The following GRIA4 variants were observed in gnomAD, a reference collection of about 807,000 sequenced individuals.
GRIA4 encodes the protein glutamate ionotropic receptor AMPA type subunit 4, also known as glutamate receptor 4.
Under a neutral mutation model 104.0 loss-of-function variants are expected in GRIA4, and 34 were observed. The observed-to-expected ratio is 0.33, with a 90% confidence interval of 0.25 to 0.44. The LOEUF (loss-of-function observed/expected upper bound fraction) is 0.44, where lower values mean the gene tolerates loss of function less well. GRIA4 is among the 20% of genes least tolerant of loss of function. The probability of loss-of-function intolerance (pLI) is 1.00; values close to 1 mark genes in which losing one functional copy is unlikely to be tolerated. For synonymous variants in GRIA4, 386 were observed against 381.9 expected (o/e 1.01, Z -0.13); for missense variants, 750 against 1,096.5 (o/e 0.68, Z 4.46).
intron 3 of GRIA4, among the ~76,000 whole-genome samples, chr11:105,683,190 A>G (rs1952765291): frequency 6.6e-6 from 1 of 152,074 alleles, no homozygotes; most frequent in South Asian, 2.1e-4. Flanking sequence ...TTAGGTATTT[A>G]ATGCGATTAT....
At chr11:105,896,824 AGTCTT>A (rs1186517575) in intron 6 of GRIA4, among the ~76,000 whole-genome samples, 1 of 152,208 alleles carries the variant, frequency 6.6e-6, no homozygotes, top group Non-Finnish European at 1.5e-5. Flanking sequence ...CTTATAGTAT[AGTCTT>A]AAGTCAGAAA....
intron 14 of GRIA4, among the ~76,000 whole-genome samples, chr11:105,946,473 G>C (rs904700271): frequency 6.6e-6 from 1 of 151,862 alleles, no homozygotes; most frequent in Non-Finnish European, 1.5e-5. Flanking sequence ...GTTGTCCTAC[G>C]TACCCAGGAG....
chr11:105,780,794 T>G (rs1001985854), intron 4 of GRIA4, among the ~76,000 whole-genome samples: 1 of 152,154 alleles, frequency 6.6e-6, no homozygotes, highest in African/African-American at 2.4e-5. Context: ...AATCATGCAC[T>G]TTAGTCTGCA....
At chr11:105,612,599 A>T in intron 3 of GRIA4, 165 bp downstream of exon 3, 1 of 436,570 alleles carries the variant, frequency 2.3e-6, no homozygotes, top group Non-Finnish European at 3.7e-6. Context: ...TTTCAGGGAT[A>T]TTTAGTTGTT....
chr11:105,734,073 T>C (rs1938780659), intron 3 of GRIA4, among the ~76,000 whole-genome samples: 1 of 147,618 alleles, frequency 6.8e-6, no homozygotes, highest in Non-Finnish European at 1.5e-5. Context: ...ATATAATATA[T>C]ATATTTTATA....
chr11:105,858,706 A>G (rs1326930172), intron 4 of GRIA4, among the ~76,000 whole-genome samples: 2 of 152,040 alleles, frequency 1.3e-5, no homozygotes, highest in Non-Finnish European at 2.9e-5. Context: ...ACTATCTCCA[A>G]TAAGTTCAGT....
intron 3 of GRIA4, among the ~76,000 whole-genome samples, chr11:105,666,157 T>C (rs1486990442): frequency 6.6e-6 from 1 of 152,066 alleles, no homozygotes; most frequent in East Asian, 1.9e-4. Context: ...CTCTGAACCA[T>C]TGCTTCTCTT....
At chr11:105,789,929 C>T (rs140901898) in intron 4 of GRIA4, among the ~76,000 whole-genome samples, 105 of 152,250 alleles carry the variant, frequency 6.9e-4, no homozygotes, top group African/African-American at 2.1e-3. Context: ...GAATAGGCTG[C>T]TTCTTCTGAA....
chr11:105,822,182 A>G (rs1488839566), intron 4 of GRIA4, among the ~76,000 whole-genome samples: 2 of 152,148 alleles, frequency 1.3e-5, no homozygotes, highest in East Asian at 3.9e-4. Context: ...ATATAATTTC[A>G]TGACTGGCAT....
chr11:105,634,473 G>GAAAGAAAGA (rs1344193318), intron 3 of GRIA4, among the ~76,000 whole-genome samples: 1 of 43,774 alleles, frequency 2.3e-5, no homozygotes, highest in Non-Finnish European at 6.0e-5. Flanking sequence ...GAAAGGGAAA[G>GAAAGAAAGA]AAAGAAAGAA....
chr11:105,679,035 A>T (rs1289055810), intron 3 of GRIA4, among the ~76,000 whole-genome samples: 1 of 152,088 alleles, frequency 6.6e-6, no homozygotes, highest in African/African-American at 2.4e-5. Flanking sequence ...GAGAAATAGA[A>T]CCAATAGGAT....
chr11:105,865,742 A>G (rs1484085725), intron 5 of GRIA4, among the ~76,000 whole-genome samples: 1 of 152,166 alleles, frequency 6.6e-6, no homozygotes, highest in Non-Finnish European at 1.5e-5. Flanking sequence ...AACGTTATCA[A>G]TTGAACATTG....
At chr11:105,688,156 C>CTATATCTATA (rs373564678) in intron 3 of GRIA4, among the ~76,000 whole-genome samples, 331 of 72,770 alleles carry the variant, frequency 4.5e-3, no homozygotes, top group African/African-American at 6.5e-3. Flanking sequence ...ATATCTATAT[C>CTATATCTATA]TCTATCTATC....
chr11:105,978,930 AG>A (rs1220151435), intron 16 of GRIA4, among the ~76,000 whole-genome samples: 2 of 152,206 alleles, frequency 1.3e-5, no homozygotes, highest in Non-Finnish European at 1.5e-5. Flanking sequence ...ACCATTCAGT[AG>A]GCTTTGAAAC....
intron 15 of GRIA4, 147 bp from the exon 16 acceptor site, chr11:105,974,163 A>G: frequency 1.4e-6 from 1 of 740,734 alleles, no homozygotes; most frequent in South Asian, 1.8e-5. Context: ...GTTTAAGTCC[A>G]TTAGCCTACA....
intron 4 of GRIA4, among the ~76,000 whole-genome samples, chr11:105,843,825 T>C (rs139293192): frequency 1.8e-3 from 272 of 152,374 alleles, no homozygotes; most frequent in African/African-American, 5.8e-3. Context: ...AAGAACTGCC[T>C]GGATACTTAA....
In GRIA4 at chr11:105,970,878, G is replaced by T. The variant is rs534179100; in HGVS notation, c.2295-1036G>T. On this transcript the variant is annotated intron_variant, in intron 14 of 16. Transcript: ENST00000282499. Reference sequence around the variant, plus strand: ...ATCTTAGCCTTCATATTGTAATATGGGAGTGAAAACGGAAAGAATTATTAA... The same window carrying T: ...ATCTTAGCCTTCATATTGTAATATGTGAGTGAAAACGGAAAGAATTATTAA... Among the ~76,000 whole-genome samples the T allele has an allele frequency of 1.2e-4, 19 of 152,222 alleles. 1 individual carries two copies. The South Asian group carries it at 3.9e-3, about 32-fold the overall frequency.
At chr11:105,762,294 G>T (rs1355934913) in intron 4 of GRIA4, among the ~76,000 whole-genome samples, 1 of 152,178 alleles carries the variant, frequency 6.6e-6, no homozygotes, top group Non-Finnish European at 1.5e-5. Context: ...AGAGTGCTGG[G>T]ATTACAGGCA....
chr11:105,805,363 C>A (rs541078136), intron 4 of GRIA4, among the ~76,000 whole-genome samples: 1 of 150,748 alleles, frequency 6.6e-6, no homozygotes, highest in South Asian at 2.1e-4. Context: ...TCACCCATAA[C>A]TGCTGGTTAA....
Sources: gnomAD v4.1 joint callset for allele counts (sites outside exome capture counted in the v4.1 genomes callset) on GRCh38, gnomAD v4.1.1 for gene constraint, MANE v1.5 for transcripts, NCBI Gene and HGNC (gene_info 2026-07-23, HGNC 2026-07-21) for gene names.